SMYD3: variants seen among roughly 807,000 people sequenced by gnomAD.
SMYD3 encodes the protein histone-lysine N-methyltransferase SMYD3.
SMYD3 carries 36 observed loss-of-function variants against 57.7 expected under a neutral mutation model. That is an observed-to-expected ratio of 0.62 (90% CI 0.48 to 0.82). The LOEUF is 0.82. Ranked by LOEUF, SMYD3 falls within the 40% of genes least tolerant of loss-of-function variation. The pLI is 0.00. For synonymous variants in SMYD3, 211 were observed against 195.0 expected (o/e 1.08, Z -0.68); for missense variants, 515 against 538.8 (o/e 0.96, Z 0.44).
At chr1:246,419,710 C>T (rs2067114097) in intron 1 of SMYD3, among the ~76,000 whole-genome samples, 1 of 152,208 alleles carries the variant, frequency 6.6e-6, no homozygotes, top group Non-Finnish European at 1.5e-5. Context: ...GGACCACTAA[C>T]CCTATTGTGA....
rs377580433 is a variant in SMYD3 at position 245,773,073 on chromosome 1, G to C, written c.1077-8924C>G. ...CACATGGAGATTACACACTGGGTTG[G>C]GGGTGGGGAGAATCACTAAAAAAAA... is the stretch of plus-strand genomic sequence containing the variant. On this transcript the variant is annotated intron_variant, in intron 10 of 11. Coordinates refer to ENST00000490107, the MANE Select transcript of SMYD3 (RefSeq NM_001167740.2). Among the ~76,000 whole-genome samples, 11 of 147,488 alleles carry C rather than the reference G, an allele frequency of 7.5e-5. No homozygotes were observed. In the South Asian group the frequency reaches 1.3e-3, roughly 18 times the overall value.
chr1:246,505,164 A>T (rs1017738896), intron 1 of SMYD3, among the ~76,000 whole-genome samples: 27 of 152,232 alleles, frequency 1.8e-4, no homozygotes, highest in African/African-American at 6.5e-4. Context: ...TTAGATGCTT[A>T]GCATTTACTT....
intron 1 of SMYD3, among the ~76,000 whole-genome samples, chr1:246,475,214 C>A (rs1263892688): frequency 2.0e-5 from 3 of 151,798 alleles, no homozygotes; most frequent in Non-Finnish European, 4.4e-5. Context: ...CGCCTGTAAT[C>A]CCAGCTACTT....
chr1:246,240,861 T>C (rs1468004262), intron 5 of SMYD3, among the ~76,000 whole-genome samples: 1 of 151,916 alleles, frequency 6.6e-6, no homozygotes, highest in African/African-American at 2.4e-5. Flanking sequence ...CAATTTTGAA[T>C]GGGAGATCAC....
intron 5 of SMYD3, among the ~76,000 whole-genome samples, chr1:245,991,148 T>C (rs1362385445): frequency 6.6e-6 from 1 of 152,230 alleles, no homozygotes; most frequent in East Asian, 1.9e-4. Context: ...CTTTCCTATA[T>C]GTGGAAAAAA....
At chr1:245,750,556 G>A (rs924560889) in intron 11 of SMYD3, among the ~76,000 whole-genome samples, 11 of 152,186 alleles carry the variant, frequency 7.2e-5, no homozygotes, top group Admixed American at 4.6e-4. Flanking sequence ...CCATTCTTAT[G>A]CTGTGTGCCA....
intron 10 of SMYD3, among the ~76,000 whole-genome samples, chr1:245,833,708 AG>A (rs1389042280): frequency 1.3e-5 from 2 of 152,122 alleles, no homozygotes; most frequent in African/African-American, 4.8e-5. Context: ...AACTCACCTG[AG>A]GTGCCATCAA....
intron 1 of SMYD3, among the ~76,000 whole-genome samples, chr1:246,426,275 C>G (rs1326530365): frequency 6.6e-6 from 1 of 152,086 alleles, no homozygotes; most frequent in African/African-American, 2.4e-5. Flanking sequence ...CCATAAAATT[C>G]ACTGATTTTA....
intron 5 of SMYD3, among the ~76,000 whole-genome samples, chr1:246,161,018 CGCCATCAGACAAGCGAGACGAT>C (rs1212197157): frequency 6.6e-6 from 1 of 152,140 alleles, no homozygotes; most frequent in Non-Finnish European, 1.5e-5. Context: ...TGTGAGACAA[CGCCATCAGACAAGCGAGACGAT>C]GCCATCAGAC....
At chr1:245,973,719 A>G (rs1247802945) in intron 5 of SMYD3, among the ~76,000 whole-genome samples, 3 of 152,186 alleles carry the variant, frequency 2.0e-5, no homozygotes, top group Non-Finnish European at 4.4e-5. Flanking sequence ...TCAAGAACAA[A>G]TGTCCCAGTT....
chr1:245,984,366 T>C (rs770121075), intron 5 of SMYD3, among the ~76,000 whole-genome samples: 7 of 152,172 alleles, frequency 4.6e-5, no homozygotes, highest in Non-Finnish European at 7.4e-5. Flanking sequence ...AAGTATGTCA[T>C]CAGGAACAAA....
intron 5 of SMYD3, among the ~76,000 whole-genome samples, chr1:245,970,541 A>G (rs2058272159): frequency 6.6e-6 from 1 of 152,216 alleles, no homozygotes; most frequent in Non-Finnish European, 1.5e-5. Flanking sequence ...AATGGGAGAA[A>G]AATTTTGCCA....
At chr1:246,302,488 G>A (rs1411970339) in intron 5 of SMYD3, among the ~76,000 whole-genome samples, 1 of 152,084 alleles carries the variant, frequency 6.6e-6, no homozygotes, top group Non-Finnish European at 1.5e-5. Flanking sequence ...AAATACAGAA[G>A]GAATTCAGGT....
chr1:246,349,915 C>G (rs576952229), intron 2 of SMYD3, among the ~76,000 whole-genome samples: 14 of 152,230 alleles, frequency 9.2e-5, no homozygotes, highest in African/African-American at 3.1e-4. Flanking sequence ...TAAATATTAA[C>G]CCAACTATAT....
At chr1:245,986,052 C>T (rs2058697952) in intron 5 of SMYD3, among the ~76,000 whole-genome samples, 1 of 152,190 alleles carries the variant, frequency 6.6e-6, no homozygotes. Flanking sequence ...AGGAAACACA[C>T]TCCCCTGGCA....
chr1:245,977,104 T>C (rs1164085113), intron 5 of SMYD3, among the ~76,000 whole-genome samples: 1 of 152,170 alleles, frequency 6.6e-6, no homozygotes, highest in Non-Finnish European at 1.5e-5. Context: ...CTTAACCTCA[T>C]CTCATGCTTG....
chr1:246,456,654 C>A (rs1430493562), intron 1 of SMYD3, among the ~76,000 whole-genome samples: 1 of 152,168 alleles, frequency 6.6e-6, no homozygotes, highest in African/African-American at 2.4e-5. Context: ...ATATTTTCCC[C>A]ATAAGACTGT....
intron 1 of SMYD3, among the ~76,000 whole-genome samples, chr1:246,366,990 A>AT (rs904692616): frequency 1.3e-5 from 2 of 151,842 alleles, no homozygotes; most frequent in Non-Finnish European, 2.9e-5. Context: ...ACAAAGCCGT[A>AT]TTTTTTGGGG....
At chr1:245,912,894 C>A (rs1199638399) in intron 8 of SMYD3, among the ~76,000 whole-genome samples, 4 of 152,254 alleles carry the variant, frequency 2.6e-5, no homozygotes, top group African/African-American at 9.6e-5. Context: ...AACTATAATA[C>A]TAAAAGAAAA....
Sources: gnomAD v4.1 joint callset for allele counts (sites outside exome capture counted in the v4.1 genomes callset) on GRCh38, gnomAD v4.1.1 for gene constraint, MANE v1.5 for transcripts, NCBI Gene and HGNC (gene_info 2026-07-23, HGNC 2026-07-21) for gene names.